The following ZNF718 variants were observed in gnomAD, a reference collection of about 807,000 sequenced individuals.
ZNF718 encodes the protein zinc finger protein 718.
A neutral mutation model predicts 2.6 loss-of-function variants in ZNF718; 3 were observed. The ratio of observed to expected loss-of-function variants is 1.16; its 90% CI spans 0.53 to 3.01. The LOEUF (loss-of-function observed/expected upper bound fraction) is 3.01. Ranked by LOEUF, ZNF718 falls within the 30% of genes most tolerant of loss-of-function variation. The probability of loss-of-function intolerance (pLI) is 0.03; values close to 1 mark genes in which losing one functional copy is unlikely to be tolerated. For synonymous variants in ZNF718, 135 were observed against 77.9 expected, an observed-to-expected ratio of 1.73 and a Z score of -3.86; for missense variants, 468 against 230.0, an observed-to-expected ratio of 2.03 and a Z score of -6.69.
At chr4:135,102 C>T (rs1401004038) in intron 3 of ZNF718, among the ~76,000 whole-genome samples, 1 of 151,928 alleles carries the variant, frequency 6.6e-6, no homozygotes, top group Non-Finnish European at 1.5e-5. Flanking sequence ...ATTAGCTGGG[C>T]GTGGTGGCAC....
At chr4:157,678 C>T (rs1716636903) in intron 3 of ZNF718, among the ~76,000 whole-genome samples, 1 of 152,032 alleles carries the variant, frequency 6.6e-6, no homozygotes, top group African/African-American at 2.4e-5. Context: ...TACTCTCTTT[C>T]CAGTTTGGTC....
At chr4:177,512 T>C (rs1054915258) in intron 3 of ZNF718, among the ~76,000 whole-genome samples, 13 of 152,166 alleles carry the variant, frequency 8.5e-5, no homozygotes, top group Non-Finnish European at 1.9e-4. Flanking sequence ...ACATCTCATT[T>C]TGTTGGGATC....
intron 3 of ZNF718, among the ~76,000 whole-genome samples, chr4:172,513 A>G (rs931688937): frequency 6.6e-6 from 1 of 152,232 alleles, no homozygotes; most frequent in African/African-American, 2.4e-5. Flanking sequence ...TAATTCTCAC[A>G]GTAACTCAAT....
intron 3 of ZNF718, among the ~76,000 whole-genome samples, chr4:174,355 G>A (rs1232905949): frequency 6.6e-6 from 1 of 152,062 alleles, no homozygotes; most frequent in Non-Finnish European, 1.5e-5. Flanking sequence ...AAAAGAAATG[G>A]GTTATCAAAT....
chr4:189,405 A>G (rs1717648996), intron 3 of ZNF718, among the ~76,000 whole-genome samples: 1 of 152,040 alleles, frequency 6.6e-6, no homozygotes, highest in Admixed American at 6.6e-5. Context: ...TTCCAATGTT[A>G]TTATTAAATT....
At chr4:147,988 C>A (rs1278013011) in intron 3 of ZNF718, among the ~76,000 whole-genome samples, 1 of 152,144 alleles carries the variant, frequency 6.6e-6, no homozygotes, top group Non-Finnish European at 1.5e-5. Flanking sequence ...TGGACAGGTT[C>A]CTGGAAGAGC....
chr4:191,574 T>C (rs150263249), intron 3 of ZNF718, among the ~76,000 whole-genome samples: 211 of 152,122 alleles, frequency 1.4e-3, no homozygotes, highest in African/African-American at 4.9e-3. Context: ...AGAAAAAATA[T>C]ATACTTTACA....
chr4:174,777 C>T (rs1473990067), intron 3 of ZNF718, among the ~76,000 whole-genome samples: 1 of 152,164 alleles, frequency 6.6e-6, no homozygotes, highest in Admixed American at 6.5e-5. Context: ...AATAAATTAT[C>T]TCTTGATTTG....
intron 3 of ZNF718, among the ~76,000 whole-genome samples, chr4:196,271 T>G (rs1717790871): frequency 6.6e-6 from 1 of 152,104 alleles, no homozygotes; most frequent in Non-Finnish European, 1.5e-5. Context: ...TTTACAAACT[T>G]GGGGCCCTGG....
chr4:177,923 C>T (rs1238679853), intron 3 of ZNF718, among the ~76,000 whole-genome samples: 1 of 152,064 alleles, frequency 6.6e-6, no homozygotes, highest in African/African-American at 2.4e-5. Flanking sequence ...AGGAAAATCT[C>T]ATGCTCCAAA....
chr4:177,903 C>A (rs879978815), intron 3 of ZNF718, among the ~76,000 whole-genome samples: 70 of 151,898 alleles, frequency 4.6e-4, no homozygotes, highest in Admixed American at 3.6e-3. Flanking sequence ...AAAAAAAAAG[C>A]CCCTGAGGGA....
chr4:159,284 C>T (rs887289154), intron 3 of ZNF718, among the ~76,000 whole-genome samples: 2 of 152,102 alleles, frequency 1.3e-5, no homozygotes, highest in Non-Finnish European at 1.5e-5. Flanking sequence ...GATCTGCCCA[C>T]CTTGGCCTCC....
intron 3 of ZNF718, among the ~76,000 whole-genome samples, chr4:137,692 CTT>C (rs1184317541): frequency 2.6e-5 from 4 of 151,832 alleles, no homozygotes; most frequent in Admixed American, 2.6e-4. Flanking sequence ...ATTACTTACT[CTT>C]TGTTGACTTT....
downstream of ZNF718, among the ~76,000 whole-genome samples, chr4:164,608 G>T (rs572142540): frequency 1.3e-5 from 2 of 152,172 alleles, no homozygotes; most frequent in Non-Finnish European, 1.5e-5. Context: ...TTATAAGAAT[G>T]ATTTTTATAA....
In ZNF718 at chr4:163,153, T is replaced by G. The variant is rs1716973714; in HGVS notation, c.*1031T>G. 6.6e-6 allele frequency: 1 copy of G among 152,204 alleles called. No homozygotes were observed. The highest frequency in any genetic ancestry group is 2.4e-5 in the African/African-American group (1 of 41,452). 9.4% of individuals were successfully genotyped at this position (152,204 alleles called of 1,614,324 possible). ...GTGATGAATTGTTGCATCAGAGGTATGAGTGATTCTTTTTAGGTGGGCATC... is the reference window on the plus strand; with the variant it reads ...GTGATGAATTGTTGCATCAGAGGTAGGAGTGATTCTTTTTAGGTGGGCATC... On this transcript the variant is annotated 3_prime_UTR_variant, in exon 4 of 4. Coordinates refer to ENST00000510175, the MANE Select transcript of ZNF718 (RefSeq NM_001039127.6).
chr4:158,694 T>C (rs1373964465), intron 3 of ZNF718, among the ~76,000 whole-genome samples: 1 of 152,000 alleles, frequency 6.6e-6, no homozygotes, highest in African/African-American at 2.4e-5. Context: ...ATATTAACAG[T>C]TTATGATTAA....
intron 3 of ZNF718, among the ~76,000 whole-genome samples, chr4:155,798 A>G (rs1553813569): frequency 6.6e-6 from 1 of 152,128 alleles, no homozygotes; most frequent in Non-Finnish European, 1.5e-5. Context: ...ATGTGAGGAC[A>G]TGAGATTTGG....
chr4:136,419 C>T, intron 3 of ZNF718: 1 of 520,900 alleles, frequency 1.9e-6, no homozygotes. Flanking sequence ...TAGGAAGGAC[C>T]ACTTGTGTAC....
chr4:200,588 T>A (rs1016917455), intron 3 of ZNF718, among the ~76,000 whole-genome samples: 19 of 152,158 alleles, frequency 1.2e-4, no homozygotes, highest in African/African-American at 4.6e-4. Flanking sequence ...TTGTTTTGTT[T>A]TTGTTTTTTT....
Sources: gnomAD v4.1 joint callset for allele counts (sites outside exome capture counted in the v4.1 genomes callset) on GRCh38, gnomAD v4.1.1 for gene constraint, MANE v1.5 for transcripts, NCBI Gene and HGNC (gene_info 2026-07-23, HGNC 2026-07-21) for gene names.